The following SH3RF1 variants were observed in gnomAD, a reference collection of about 807,000 sequenced individuals.
SH3RF1 encodes E3 ubiquitin-protein ligase SH3RF1.
Under a neutral mutation model 74.0 loss-of-function variants are expected in SH3RF1, and 32 were observed. The observed-to-expected ratio is 0.43, with a 90% CI of 0.33 to 0.58. SH3RF1 has a LOEUF of 0.58. SH3RF1 is among the 20% of genes least tolerant of loss of function. The pLI is 0.05. For missense variants in SH3RF1, 954 were observed against 1,130.9 expected, an observed-to-expected ratio of 0.84 and a Z score of 2.24; for synonymous variants, 396 against 439.6, an observed-to-expected ratio of 0.90 and a Z score of 1.24.
Position 169,178,260 on chromosome 4 carries a change from C to CA in SH3RF1, c.394-21582dup, listed in dbSNP as rs561333698. Among the ~76,000 whole-genome samples, 121 of 61,822 alleles carry CA rather than the reference C, an allele frequency of 2.0e-3. 1 individual carries two copies. The South Asian group carries it at 0.037, about 19-fold the overall frequency. 40.6% of individuals were successfully genotyped at this position (61,822 alleles called of 152,430 possible). A position where few individuals can be genotyped will look rare whatever the true frequency, so the allele number is the denominator to read the frequency against. ...TGTCTCAAAAAAGTAAACAAATAAA[C>CA]AAAAAAAAAAAATTTTTTTTTAAAT... On this transcript the variant is annotated intron_variant, in intron 2 of 11. Transcript: ENST00000284637.
intron 10 of SH3RF1, among the ~76,000 whole-genome samples, chr4:169,114,381 C>T (rs902584092): frequency 6.6e-6 from 1 of 152,164 alleles, no homozygotes; most frequent in Non-Finnish European, 1.5e-5. Flanking sequence ...TTACACTGGG[C>T]CCACCTGGAT....
intron 11 of SH3RF1, among the ~76,000 whole-genome samples, chr4:169,103,539 T>G (rs535865232): frequency 9.2e-5 from 14 of 152,348 alleles, no homozygotes; most frequent in African/African-American, 3.4e-4. Flanking sequence ...ATTTTCAGCA[T>G]TGAGCACTTT....
rs772766033 is a variant in SH3RF1, at chr4:169,269,340, C to G, written c.-95-33G>C. The stretch of plus-strand genomic sequence containing the variant: ...CATGGGGAAAAGGGGGAAAAGAGAA[C>G]ATGAGTGTTGTTATCTAGGGAAAAA... On this transcript the variant is annotated intron_variant, in intron 1 of 11. Coordinates refer to ENST00000284637, the MANE Select transcript of SH3RF1 (RefSeq NM_020870.4). The G allele has an allele frequency of 1.3e-4, 133 of 1,018,936 alleles. 1 individual carries two copies. The highest frequency in any genetic ancestry group is 1.7e-4 in the Non-Finnish European group (124 of 733,350). 63.1% of individuals were successfully genotyped at this position (1,018,936 alleles called of 1,614,324 possible). A position where few individuals can be genotyped will look rare whatever the true frequency, so the allele number is the denominator to read the frequency against.
intron 5 of SH3RF1, among the ~76,000 whole-genome samples, chr4:169,130,690 G>T (rs536227418): frequency 6.6e-6 from 1 of 152,108 alleles, no homozygotes; most frequent in Non-Finnish European, 1.5e-5. Context: ...TGCTTAGAGC[G>T]GGCAATTACT....
chr4:169,130,239 C>A, intron 5 of SH3RF1, 83 bp from the exon 6 acceptor site: 2 of 963,364 alleles, frequency 2.1e-6, no homozygotes, highest in Admixed American at 3.8e-5. Context: ...AAAGGCAAGT[C>A]ACATTAAAAA....
In SH3RF1 at chr4:169,268,851, G is replaced by C. The variant is rs1326345660; in HGVS notation, c.362C>G (p.Pro121Arg). 2 of 1,608,474 alleles carry C rather than the reference G, an allele frequency of 1.2e-6. No individual in the cohort carries two copies. The highest frequency in any genetic ancestry group is 1.7e-6 in the Non-Finnish European group (2 of 1,177,974). The change falls in exon 2 of 12, where the codon CCT becomes CGT. Residue 121 changes from proline to arginine, a missense_variant. Pro to Arg is a moderately radical substitution (Grantham distance 103). Coordinates refer to ENST00000284637, the MANE Select transcript of SH3RF1 (RefSeq NM_020870.4). ...TGGGGGGCTCCAGGATTGCACCCGAGGCTGCTGTCCGCCCTGGGAGCTCTG... is the reference window on the plus strand; with the variant it reads ...TGGGGGGCTCCAGGATTGCACCCGACGCTGCTGTCCGCCCTGGGAGCTCTG... ...DLQSSQGGQQPRVQSWSPPVR... is the reference protein window; with the variant it reads ...DLQSSQGGQQRRVQSWSPPVR...
chr4:169,120,176 T>C (rs1437850917), intron 8 of SH3RF1, among the ~76,000 whole-genome samples: 1 of 152,224 alleles, frequency 6.6e-6, no homozygotes, highest in Non-Finnish European at 1.5e-5. Flanking sequence ...TATTGTCAAA[T>C]GTTCCCTGGG....
chr4:169,205,320 A>ATG (rs1332090093), intron 2 of SH3RF1, among the ~76,000 whole-genome samples: 2 of 152,226 alleles, frequency 1.3e-5, no homozygotes, highest in Non-Finnish European at 2.9e-5. Flanking sequence ...TTAACACCAC[A>ATG]TGTGTATGTC....
intron 2 of SH3RF1, among the ~76,000 whole-genome samples, chr4:169,159,661 T>A (rs1225483758): frequency 6.6e-6 from 1 of 152,222 alleles, no homozygotes; most frequent in Admixed American, 6.5e-5. Context: ...ATGCTACATG[T>A]GTGAACCATC....
chr4:169,105,353 T>C (rs953929768), intron 11 of SH3RF1, among the ~76,000 whole-genome samples: 16 of 152,222 alleles, frequency 1.1e-4, no homozygotes, highest in African/African-American at 3.4e-4. Context: ...TAGTGCCTCA[T>C]TGTTGAGTTT....
intron 2 of SH3RF1, among the ~76,000 whole-genome samples, chr4:169,197,493 G>T (rs1482416584): frequency 6.6e-6 from 1 of 151,668 alleles, no homozygotes; most frequent in Non-Finnish European, 1.5e-5. Flanking sequence ...AGTCGTGGTG[G>T]TGCCCCTGTA....
chr4:169,255,981 T>TATGTTGCCCA (rs1182368086), intron 2 of SH3RF1, among the ~76,000 whole-genome samples: 1 of 152,008 alleles, frequency 6.6e-6, no homozygotes, highest in Admixed American at 6.6e-5. Flanking sequence ...TTGCCCAGGC[T>TATGTTGCCCA]GGTCTCAAAT....
At position 169,130,088 on chromosome 4, in the gene SH3RF1, C is replaced by CG; in HGVS notation, c.1136dup (p.Phe380ValfsTer57). 1 of 1,613,164 alleles carries CG rather than the reference C, an allele frequency of 6.2e-7. No homozygotes were observed. Among genetic ancestry groups the CG allele is most frequent in the Non-Finnish European group, 8.5e-7 (1 of 1,179,694 alleles). On this transcript the variant is annotated frameshift_variant, in exon 6 of 12. Coordinates refer to ENST00000284637, the MANE Select transcript of SH3RF1 (RefSeq NM_020870.4). LOFTEE classifies it high-confidence loss of function. ...AGGGAACATCTGATGGGAAAGTAAA[C>CG]GAGGGGCCAGTTGTCACTGGGCTGC...
At chr4:169,197,812 G>A (rs527361521) in intron 2 of SH3RF1, among the ~76,000 whole-genome samples, 5 of 151,944 alleles carry the variant, frequency 3.3e-5, no homozygotes, top group South Asian at 2.1e-4. Flanking sequence ...TTTCTTCAGC[G>A]CTTTTTGGTT....
intron 2 of SH3RF1, among the ~76,000 whole-genome samples, chr4:169,263,118 C>T (rs1044038970): frequency 6.6e-6 from 1 of 152,160 alleles, no homozygotes; most frequent in Non-Finnish European, 1.5e-5. Context: ...AATACACATC[C>T]CCATCCCCAT....
chr4:169,146,232 C>CT lies in SH3RF1; in HGVS notation c.765+9247dup, dbSNP rs70961576. On this transcript the variant is annotated intron_variant, in intron 4 of 11. Coordinates refer to ENST00000284637, the MANE Select transcript of SH3RF1 (RefSeq NM_020870.4). ...ATATATTATATGTTTTATATATATACTTTTTTTTTTTTTTTGAGACCAAGT... is the reference window on the plus strand; with the variant it reads ...ATATATTATATGTTTTATATATATACTTTTTTTTTTTTTTTTGAGACCAAGT... Among the ~76,000 whole-genome samples, 838 of 132,580 alleles carry CT rather than the reference C, an allele frequency of 6.3e-3. 8 individuals are homozygous for CT. The highest frequency in any genetic ancestry group is 0.018 in the African/African-American group (633 of 35,380). 87.0% of individuals were successfully genotyped at this position (132,580 alleles called of 152,430 possible).
At chr4:169,158,748 G>C (rs1734102243) in intron 2 of SH3RF1, among the ~76,000 whole-genome samples, 1 of 152,166 alleles carries the variant, frequency 6.6e-6, no homozygotes, top group Non-Finnish European at 1.5e-5. Context: ...CCCCCGACCT[G>C]TAAAAAGTGG....
At chr4:169,108,157 G>T (rs942749579) in intron 10 of SH3RF1, among the ~76,000 whole-genome samples, 2 of 152,144 alleles carry the variant, frequency 1.3e-5, no homozygotes, top group African/African-American at 4.8e-5. Flanking sequence ...GTTTTACCAA[G>T]ATGTCAACTA....
chr4:169,218,376 A>G (rs1293835728), intron 2 of SH3RF1, among the ~76,000 whole-genome samples: 1 of 141,660 alleles, frequency 7.1e-6, no homozygotes, highest in African/African-American at 2.6e-5. Flanking sequence ...TATATAGAAT[A>G]TAGAATATAT....
Sources: gnomAD v4.1 joint callset for allele counts (sites outside exome capture counted in the v4.1 genomes callset) on GRCh38, gnomAD v4.1.1 for gene constraint, MANE v1.5 for transcripts, NCBI Gene and HGNC (gene_info 2026-07-23, HGNC 2026-07-21) for gene names.